The following TACC2 variants were observed in gnomAD, a reference collection of about 807,000 sequenced individuals.
TACC2 encodes the protein transforming acidic coiled-coil containing protein 2.
TACC2 carries 137 observed loss-of-function variants against 227.3 expected under a neutral mutation model. The ratio of observed to expected loss-of-function variants is 0.60; its 90% CI spans 0.52 to 0.69. TACC2 has a LOEUF of 0.69. Among genes scored for constraint, TACC2 ranks in the 30% least tolerant of loss-of-function variants. The probability of loss-of-function intolerance (pLI) is 0.00; values close to 1 mark genes in which losing one functional copy is unlikely to be tolerated. For missense variants in TACC2, 3,470 were observed against 3,694.4 expected, an observed-to-expected ratio of 0.94 and a Z score of 1.57; for synonymous variants, 1,523 against 1,487.5, an observed-to-expected ratio of 1.02 and a Z score of -0.55.
At chr10:122,199,715 G>A (rs1306602322) in intron 8 of TACC2, among the ~76,000 whole-genome samples, 3 of 152,166 alleles carry the variant, frequency 2.0e-5, no homozygotes, top group Admixed American at 6.5e-5. Flanking sequence ...GGCTATCAAC[G>A]TAACCATAGA....
At chr10:122,126,697 C>CT (rs1183859475) in intron 5 of TACC2, 142 of 146,478 alleles carry the variant, frequency 9.7e-4, no homozygotes, top group African/African-American at 2.8e-3. Flanking sequence ...GAGGGAGAAG[C>CT]TTTTTTTTTT....
In TACC2 at chr10:122,007,090, G is replaced by A. The variant is rs568409542; in HGVS notation, c.-45-14847G>A. On this transcript the variant is annotated intron_variant, in intron 1 of 22. Coordinates refer to ENST00000369005, the MANE Select transcript of TACC2 (RefSeq NM_206862.4). ...TTGGTCAGGCTGGTCTCAAACTCCC[G>A]ACCTTAGGTGATCTGCCAACCTCGG... is the stretch of plus-strand genomic sequence containing the variant. Among the ~76,000 whole-genome samples, 305 of 152,142 alleles carry A rather than the reference G, an allele frequency of 2.0e-3. 1 individual carries two copies. The highest frequency in any genetic ancestry group is 6.9e-3 in the African/African-American group (287 of 41,518).
chr10:122,211,623 A>T lies in TACC2; in HGVS notation c.7198A>T (p.Ile2400Phe), dbSNP rs1216381943. 6.2e-7 allele frequency: 1 copy of T among 1,613,292 alleles called. No individual in the cohort carries two copies. Among genetic ancestry groups the T allele is most frequent in the Non-Finnish European group, 8.5e-7 (1 of 1,179,706 alleles). Residue 2400 changes from isoleucine to phenylalanine, a missense_variant, in exon 9 of 23, where the codon ATC (isoleucine) becomes TTC (phenylalanine). Ile to Phe is a conservative substitution (Grantham distance 21). This residue lies in a region of TACC2 where 593 missense variants were observed against 636.6 expected (regional missense o/e 0.93). Coordinates refer to ENST00000369005, the MANE Select transcript of TACC2 (RefSeq NM_206862.4). ...TTCTAAATCCCCAGCCTCCTTTGAG[A>T]TCCCAGCCAGTGCTATGGAAGCCAA... Reference protein sequence around the residue: ...SPSKSPASFEIPASAMEANGV... With the variant: ...SPSKSPASFEFPASAMEANGV...
intron 9 of TACC2, among the ~76,000 whole-genome samples, chr10:122,213,796 C>T (rs190569269): frequency 4.8e-4 from 73 of 152,324 alleles, no homozygotes; most frequent in Non-Finnish European, 8.5e-4. Flanking sequence ...CAGGCAGCGA[C>T]GGCCACAGCT....
chr10:122,230,849 C>G (rs569829827), intron 16 of TACC2, among the ~76,000 whole-genome samples: 1 of 152,032 alleles, frequency 6.6e-6, no homozygotes, highest in South Asian at 2.1e-4. Flanking sequence ...ACATAATTTG[C>G]AACTTTTCTA....
chr10:122,121,610 C>T (rs2085816872), intron 5 of TACC2, among the ~76,000 whole-genome samples: 1 of 152,222 alleles, frequency 6.6e-6, no homozygotes, highest in Non-Finnish European at 1.5e-5. Context: ...AATTTGGCTT[C>T]AAAATGTGAC....
In TACC2 at chr10:122,087,223, G is replaced by A. The variant is rs1233421657; in HGVS notation, c.4723G>A (p.Ala1575Thr). 1 of 1,613,182 alleles carries A rather than the reference G, an allele frequency of 6.2e-7. No homozygotes were observed. The highest frequency in any genetic ancestry group is 1.7e-5 in the Admixed American group (1 of 60,012). Residue 1575 changes from alanine (A) to threonine (T), a missense_variant, in exon 4 of 23, where the codon GCT becomes ACT. Transcript: ENST00000369005. Reference protein sequence around the residue: ...ATQELPVERAAAFQVAPHSHG... With the variant: ...ATQELPVERATAFQVAPHSHG... Reference sequence around the variant, plus strand: ...TCAGGAGCTCCCTGTGGAGAGAGCTGCTGCCTTCCAGGTGGCTCCCCATAG... The same window carrying A: ...TCAGGAGCTCCCTGTGGAGAGAGCTACTGCCTTCCAGGTGGCTCCCCATAG...
intron 20 of TACC2, 113 bp downstream of exon 20, chr10:122,248,916 G>A: frequency 6.6e-6 from 10 of 1,513,030 alleles, no homozygotes; most frequent in South Asian, 1.2e-5. Context: ...TGCGAGGAGG[G>A]GGTCCATGCA....
rs555482927 is a variant in TACC2 at position 122,172,271 on chromosome 10, G to A, written c.5835-22769G>A. On this transcript the variant is annotated intron_variant, in intron 7 of 22. Transcript: ENST00000369005. ...GAAGCTTGACATTTAGAAAATACCT[G>A]GGCTGCTTTCCGTCTACTGCTGGGT... is the stretch of plus-strand genomic sequence containing the variant. Among the ~76,000 whole-genome samples, 5 of 152,278 alleles carry A rather than the reference G, an allele frequency of 3.3e-5. No individual in the cohort carries two copies. The South Asian group carries it at 1.0e-3, about 32-fold the overall frequency.
At chr10:122,249,737 A>G in intron 22 of TACC2, 73 bp downstream of exon 22, 3 of 1,523,794 alleles carry the variant, frequency 2.0e-6, no homozygotes, top group Non-Finnish European at 1.8e-6. Flanking sequence ...GTCCAGCTAG[A>G]CAGGCTGGGC....
chr10:122,186,947 A>G (rs1189070330), intron 7 of TACC2, among the ~76,000 whole-genome samples: 3 of 152,134 alleles, frequency 2.0e-5, no homozygotes, highest in African/African-American at 7.2e-5. Flanking sequence ...TTCTCCTGAC[A>G]CTTGATTCAG....
intron 2 of TACC2, among the ~76,000 whole-genome samples, chr10:122,039,981 C>G (rs958689836): frequency 4.1e-4 from 49 of 120,508 alleles, no homozygotes; most frequent in Non-Finnish European, 5.0e-4. Flanking sequence ...GAGCCTCAGC[C>G]CAGCCCCTTG....
chr10:122,022,294 T>A (rs956602519), intron 2 of TACC2: 1 of 342,506 alleles, frequency 2.9e-6, no homozygotes, highest in Non-Finnish European at 5.3e-6. Flanking sequence ...CAGGCTTGAA[T>A]GCAGTGGCAT....
chr10:122,017,167 C>T (rs1414551121), intron 1 of TACC2, among the ~76,000 whole-genome samples: 2 of 152,166 alleles, frequency 1.3e-5, no homozygotes, highest in East Asian at 1.9e-4. Flanking sequence ...AGAGCATTCG[C>T]GCTCTCACAG....
chr10:122,208,724 G>A (rs918353078), intron 8 of TACC2, among the ~76,000 whole-genome samples: 4 of 152,198 alleles, frequency 2.6e-5, no homozygotes, highest in Admixed American at 6.5e-5. Context: ...CAACCATGCC[G>A]GTGGCAGAAG....
intron 8 of TACC2, among the ~76,000 whole-genome samples, chr10:122,203,949 G>A (rs1437478785): frequency 3.2e-4 from 48 of 151,914 alleles, no homozygotes; most frequent in African/African-American, 9.7e-4. Context: ...CGCGGTTAGG[G>A]GCTGGAGACC....
At position 122,089,850 on chromosome 10, in the gene TACC2, T is replaced by C. The variant is rs113554263; in HGVS notation, c.5573+1259T>C. On this transcript the variant is annotated intron_variant, in intron 5 of 22. Transcript: ENST00000369005. ...AGCTGCCTCTGCCGCCTGGCAGTAG[T>C]GACTCCCATAGCTCTGAGCCAATGT... Among the ~76,000 whole-genome samples, 573 of 152,350 alleles carry C rather than the reference T, an allele frequency of 3.8e-3. 5 individuals carry two copies. The highest frequency in any genetic ancestry group is 0.012 in the African/African-American group (491 of 41,570).
intron 2 of TACC2, among the ~76,000 whole-genome samples, chr10:122,031,397 CTTTTTTTTTTTTT>C (rs758476678): frequency 1.1e-5 from 1 of 91,738 alleles, no homozygotes; most frequent in East Asian, 3.2e-4. Flanking sequence ...GGTCTAGCCT[CTTTTTTTTTTTTT>C]TTTTTTTTTT....
chr10:122,233,458 G>C (rs546294284), intron 16 of TACC2, among the ~76,000 whole-genome samples: 3 of 152,336 alleles, frequency 2.0e-5, no homozygotes, highest in African/African-American at 7.2e-5. Flanking sequence ...CCTAGCAAGA[G>C]GCCCCCAGCA....
Sources: allele counts gnomAD v4.1 joint callset (sites outside exome capture counted in the v4.1 genomes callset), GRCh38; gene constraint gnomAD v4.1.1; regional missense constraint gnomAD v4.1.1; transcripts MANE v1.5; gene names NCBI Gene and HGNC (gene_info 2026-07-23, HGNC 2026-07-21).